RTF1: variants seen among roughly 807,000 people sequenced by gnomAD.
RTF1 encodes RTF1 homolog, Paf1/RNA polymerase II complex component.
A neutral mutation model predicts 95.7 loss-of-function variants in RTF1; 10 were observed. The observed-to-expected ratio is 0.10, with a 90% CI of 0.06 to 0.18. RTF1 has a LOEUF of 0.18. Ranked by LOEUF, RTF1 falls within the 10% of genes least tolerant of loss-of-function variation. The pLI is 1.00. For synonymous variants in RTF1, 305 were observed against 311.8 expected, an observed-to-expected ratio of 0.98 and a Z score of 0.23; for missense variants, 458 against 875.6, an observed-to-expected ratio of 0.52 and a Z score of 6.02.
chr15:41,457,536 TA>T, intron 3 of RTF1, 135 bp from the exon 4 acceptor site: 1 of 841,408 alleles, frequency 1.2e-6, no homozygotes, highest in Non-Finnish European at 1.9e-6. Context: ...AAAAAAAAAG[TA>T]AAAACAAATA....
chr15:41,419,263 G>A (rs1223278180), intron 1 of RTF1, among the ~76,000 whole-genome samples: 2 of 152,032 alleles, frequency 1.3e-5, no homozygotes, highest in African/African-American at 4.8e-5. Flanking sequence ...AACAACATTG[G>A]CTACCATTTA....
chr15:41,478,522 T>C, intron 14 of RTF1, 26 bp from the exon 15 acceptor site: 1 of 1,601,486 alleles, frequency 6.2e-7, no homozygotes, highest in Non-Finnish European at 8.6e-7. Context: ...GAGGTGCAGT[T>C]CTGTGGTGCA....
At chr15:41,464,482 C>T (rs184984624) in intron 4 of RTF1, among the ~76,000 whole-genome samples, 92 of 151,228 alleles carry the variant, frequency 6.1e-4, no homozygotes, top group African/African-American at 2.1e-3. Flanking sequence ...CTCTTGATCC[C>T]CCCGCCTCGG....
chr15:41,467,225 C>T (rs1595437902), intron 6 of RTF1, among the ~76,000 whole-genome samples: 1 of 152,282 alleles, frequency 6.6e-6, no homozygotes, highest in East Asian at 1.9e-4. Flanking sequence ...TGTTCTACCT[C>T]TCTCTTCCTC....
chr15:41,459,112 G>A (rs544078978), intron 4 of RTF1, among the ~76,000 whole-genome samples: 6 of 151,822 alleles, frequency 4.0e-5, no homozygotes, highest in Non-Finnish European at 5.9e-5. Context: ...CTGGCGCGGC[G>A]GCTCACACCT....
At chr15:41,428,171 G>C (rs907310466) in intron 1 of RTF1, among the ~76,000 whole-genome samples, 2 of 149,902 alleles carry the variant, frequency 1.3e-5, no homozygotes, top group African/African-American at 2.5e-5. Context: ...TTCTAACTTG[G>C]TTACATTGAG....
chr15:41,463,937 CGA>C (rs2050866176), intron 4 of RTF1, among the ~76,000 whole-genome samples: 1 of 151,228 alleles, frequency 6.6e-6, no homozygotes, highest in Non-Finnish European at 1.5e-5. Flanking sequence ...CTGCAACCTC[CGA>C]CTCCTGGGTT....
Position 41,452,906 on chromosome 15 carries a change from A to T in RTF1, c.315A>T (p.Thr105=). ...TTTTTCTTTTCTCCTTATAGTGGAC[A>T]TTTGGGAGCAATAAAAATAAGAAGA... is the stretch of plus-strand genomic sequence containing the variant. ...SETSDSDDEW[T]FGSNKNKKKG... Residue 105 remains threonine, a synonymous_variant, in exon 3 of 18, where the codon ACA becomes ACT. Transcript: ENST00000389629. 1 of 1,600,218 alleles carries T rather than the reference A, an allele frequency of 6.2e-7. No individual in the cohort carries two copies. Among genetic ancestry groups the T allele is most frequent in the Non-Finnish European group, 8.5e-7 (1 of 1,174,316 alleles).
intron 8 of RTF1, among the ~76,000 whole-genome samples, chr15:41,472,178 G>A (rs1387455054): frequency 5.5e-5 from 8 of 145,476 alleles, no homozygotes; most frequent in African/African-American, 1.0e-4. Context: ...GTGAGCCACC[G>A]CACCTGGCCT....
intron 7 of RTF1, among the ~76,000 whole-genome samples, chr15:41,470,650 CTTTTTTTTTT>C (rs58221683): frequency 2.7e-5 from 2 of 75,442 alleles, no homozygotes; most frequent in African/African-American, 4.9e-5. Flanking sequence ...CATTCATTTT[CTTTTTTTTTT>C]TTTTTTTTTT....
intron 1 of RTF1, among the ~76,000 whole-genome samples, chr15:41,425,607 G>C (rs2050624934): frequency 6.6e-6 from 1 of 152,148 alleles, no homozygotes; most frequent in South Asian, 2.1e-4. Flanking sequence ...CATTAGAATG[G>C]AAGCGCCAGG....
chr15:41,476,395 A>G (rs1457143020), intron 11 of RTF1, 51 bp from the exon 12 acceptor site: 12 of 1,530,864 alleles, frequency 7.8e-6, no homozygotes, highest in Non-Finnish European at 9.9e-6. Flanking sequence ...TAGCCTGTCT[A>G]CAAAAATAGC....
chr15:41,471,164 C>G lies in RTF1; in HGVS notation c.1026-8C>G. On this transcript the variant is annotated splice_polypyrimidine_tract_variant and splice_region_variant and intron_variant, in intron 7 of 17. Transcript: ENST00000389629. ...ACATTTTTTCCAGTGCCCCTTTGTT[C>G]CTCTTAGGAAAGAAGAGATCCCTCC... 1.3e-6 allele frequency: 2 copies of G among 1,585,446 alleles called. No homozygotes were observed. The highest frequency in any genetic ancestry group is 1.7e-6 in the Non-Finnish European group (2 of 1,167,924).
intron 12 of RTF1, 129 bp from the exon 13 acceptor site, chr15:41,477,036 T>C (rs576344743): frequency 8.8e-7 from 1 of 1,139,160 alleles, no homozygotes; most frequent in South Asian, 1.3e-5. Context: ...TTCTACAGTA[T>C]TCTTCCACAT....
In RTF1 at chr15:41,466,060, G is replaced by A. The variant is rs548922366; in HGVS notation, c.778-81G>A. 354 of 873,408 alleles carry A rather than the reference G, an allele frequency of 4.1e-4. 4 individuals carry two copies. In the South Asian group the frequency reaches 6.7e-3, roughly 17 times the overall value. 54.1% of individuals were successfully genotyped at this position (873,408 alleles called of 1,614,324 possible). ...CAGCCCATATAGATTGATGTTGGAG[G>A]ACTAAATGCATTAAGTAGGTTTAGA... is the stretch of plus-strand genomic sequence containing the variant. On this transcript the variant is annotated intron_variant, in intron 5 of 17. Transcript: ENST00000389629.
rs147835911 is a variant in RTF1 at position 41,457,823 on chromosome 15, G to A, written c.609G>A (p.Glu203=). 1.8e-4 allele frequency: 289 copies of A among 1,614,136 alleles called. No individual in the cohort carries two copies. In the African/African-American group the frequency reaches 3.5e-3, roughly 20 times the overall value. ...RARLEQMTEK[E]REQELFNRIE... is the part of the protein sequence containing the mutation. ...GTCTGGAACAGATGACAGAGAAAGA[G>A]AGAGAGCAAGAACTGTTCAATCGCA... The change falls in exon 4 of 18, where the codon GAG becomes GAA. Residue 203 remains glutamate (E), a synonymous_variant. Coordinates refer to ENST00000389629, the MANE Select transcript of RTF1 (RefSeq NM_015138.5).
At chr15:41,470,521 T>C in intron 7 of RTF1, 129 bp downstream of exon 7, 2 of 941,432 alleles carry the variant, frequency 2.1e-6, no homozygotes, top group Non-Finnish European at 3.3e-6. Context: ...TTTGCTGAAC[T>C]GAGTTCCCCA....
intron 6 of RTF1, among the ~76,000 whole-genome samples, chr15:41,468,030 T>C (rs146939985): frequency 1.4e-4 from 21 of 151,870 alleles, no homozygotes; most frequent in African/African-American, 4.6e-4. Context: ...TCAGGCGTGG[T>C]AGCACATGCC....
intron 3 of RTF1, among the ~76,000 whole-genome samples, chr15:41,457,461 A>C (rs1431455497): frequency 6.6e-6 from 1 of 151,760 alleles, no homozygotes; most frequent in Non-Finnish European, 1.5e-5. Flanking sequence ...TGAACCCGGG[A>C]GGTGGAGGAG....
Sources: allele counts gnomAD v4.1 joint callset (sites outside exome capture counted in the v4.1 genomes callset), GRCh38; gene constraint gnomAD v4.1.1; transcripts MANE v1.5; gene names NCBI Gene and HGNC (gene_info 2026-07-23, HGNC 2026-07-21).